Variants in TECPR2 observed in about 807,000 individuals in gnomAD.
TECPR2 encodes tectonin beta-propeller repeat-containing protein 2.
In TECPR2, 65 loss-of-function variants were observed where a neutral mutation model predicts 138.1. The observed-to-expected ratio is 0.47, with a 90% CI of 0.39 to 0.58. The LOEUF is 0.58. Among genes scored for constraint, TECPR2 ranks in the 20% least tolerant of loss-of-function variants. TECPR2 has a pLI of 0.00. For missense variants in TECPR2, 1,553 were observed against 1,824.5 expected, an observed-to-expected ratio of 0.85 and a Z score of 2.71; for synonymous variants, 746 against 749.8, an observed-to-expected ratio of 0.99 and a Z score of 0.08.
intron 17 of TECPR2, among the ~76,000 whole-genome samples, chr14:102,470,637 TTC>T (rs1303599161): frequency 2.7e-5 from 4 of 149,186 alleles, no homozygotes; most frequent in African/African-American, 7.4e-5. Flanking sequence ...CTTCTTCTTC[TTC>T]TTTTTTTTTT....
intron 4 of TECPR2, among the ~76,000 whole-genome samples, chr14:102,413,313 A>C (rs1181837588): frequency 6.6e-6 from 1 of 151,142 alleles, no homozygotes; most frequent in East Asian, 1.9e-4. Context: ...AATTGATGAA[A>C]CTTTTCATAT....
Position 102,465,232 on chromosome 14 carries a change from G to A in TECPR2, c.3732G>A (p.Gln1244=). 1 of 1,614,198 alleles carries A rather than the reference G, an allele frequency of 6.2e-7. No homozygotes were observed. The highest frequency in any genetic ancestry group is 8.5e-7 in the Non-Finnish European group (1 of 1,180,038). ...GAGTTTACTTCCGTGTAGGGACTCA[G>A]CCTCTCAATCCCAGTCTCATGCTTC... ...RGGVYFRVGT[Q]PLNPSLMLPA... is the part of the protein sequence containing the mutation. The change falls in exon 17 of 20, where the codon CAG becomes CAA. Residue 1244 remains glutamine (Q), a synonymous_variant. Coordinates refer to ENST00000359520, the MANE Select transcript of TECPR2 (RefSeq NM_014844.5).
chr14:102,458,282 C>G (rs1286991941), intron 16 of TECPR2, among the ~76,000 whole-genome samples: 1 of 152,206 alleles, frequency 6.6e-6, no homozygotes, highest in Non-Finnish European at 1.5e-5. Context: ...CTCTGCTTCC[C>G]TCCCACCACT....
Position 102,408,392 on chromosome 14 carries a change from C to G in TECPR2, c.349-96C>G. Reference sequence around the variant, plus strand: ...CGAGATTGGGAAAACCAGCTCTTCCCTAACTAGGAGTGATTGTATACCTTT... The same window carrying G: ...CGAGATTGGGAAAACCAGCTCTTCCGTAACTAGGAGTGATTGTATACCTTT... On this transcript the variant is annotated intron_variant, in intron 3 of 19. Transcript: ENST00000359520. 2 of 1,363,262 alleles carry G rather than the reference C, an allele frequency of 1.5e-6. 1 individual carries two copies. Among genetic ancestry groups the G allele is most frequent in the Admixed American group, 5.2e-5 (2 of 38,238 alleles). The allele number at this position is 1,363,262 out of a possible 1,614,324, so 84.4% of individuals were successfully genotyped here.
chr14:102,400,222 T>A (rs980381084), intron 2 of TECPR2, among the ~76,000 whole-genome samples: 1 of 152,064 alleles, frequency 6.6e-6, no homozygotes, highest in African/African-American at 2.4e-5. Flanking sequence ...ATTTTTGTAT[T>A]TTTAGTAGAG....
At position 102,376,752 on chromosome 14, in the gene TECPR2, A is replaced by G. The variant is rs1887647978; in HGVS notation, c.31A>G (p.Arg11Gly). 6.2e-7 allele frequency: 1 copy of G among 1,614,134 alleles called. No individual in the cohort carries two copies. The highest frequency in any genetic ancestry group is 8.5e-7 in the Non-Finnish European group (1 of 1,180,042). Residue 11 changes from arginine (R) to glycine (G), a missense_variant, in exon 2 of 20, where the codon AGA becomes GGA. Coordinates refer to ENST00000359520, the MANE Select transcript of TECPR2 (RefSeq NM_014844.5). ...ATCGATATCAGAGCCTGTTACATTCAGAGAGTTCTGCCCGTTGTACTATCT... is the reference window on the plus strand; with the variant it reads ...ATCGATATCAGAGCCTGTTACATTCGGAGAGTTCTGCCCGTTGTACTATCT... MASISEPVTF[R>G]EFCPLYYLLN...
chr14:102,425,133 G>T lies in TECPR2; in HGVS notation c.793G>T (p.Val265Phe), dbSNP rs1190983180. 2.5e-6 allele frequency: 4 copies of T among 1,614,048 alleles called. No individual in the cohort carries two copies. In the African/African-American group the frequency reaches 5.3e-5, roughly 22 times the overall value. ...FILKDAFAGG[V>F]KPFELHPRLE... ...CTTAAAAGATGCTTTTGCCGGGGGAGTCAAGCCTTTTGAACTGCACCCGCG... is the reference window on the plus strand; with the variant it reads ...CTTAAAAGATGCTTTTGCCGGGGGATTCAAGCCTTTTGAACTGCACCCGCG... The change falls in exon 6 of 20, where the codon GTC becomes TTC. Residue 265 changes from valine to phenylalanine, a missense_variant. Coordinates refer to ENST00000359520, the MANE Select transcript of TECPR2 (RefSeq NM_014844.5).
chr14:102,495,293 A>G (rs527456110), intron 17 of TECPR2, among the ~76,000 whole-genome samples: 9 of 152,298 alleles, frequency 5.9e-5, no homozygotes, highest in African/African-American at 1.4e-4. Context: ...TGTGCCTGTC[A>G]GTGTTTTGGC....
At chr14:102,496,909 C>G (rs1206263330) in intron 17 of TECPR2, 70 bp from the exon 18 acceptor site, 27 of 1,578,042 alleles carry the variant, frequency 1.7e-5, no homozygotes, top group South Asian at 2.4e-5. Context: ...GTCCCCAGTT[C>G]CGGAAGTCTC....
At chr14:102,435,803 C>G (rs1402047822) in intron 9 of TECPR2, among the ~76,000 whole-genome samples, 1 of 152,228 alleles carries the variant, frequency 6.6e-6, no homozygotes, top group Non-Finnish European at 1.5e-5. Flanking sequence ...TAGGAGATGA[C>G]TTTTAACTGT....
At chr14:102,379,630 C>T (rs1028031328) in intron 2 of TECPR2, among the ~76,000 whole-genome samples, 1 of 147,220 alleles carries the variant, frequency 6.8e-6, no homozygotes, top group Non-Finnish European at 1.5e-5. Flanking sequence ...CAGAGGCACC[C>T]TAGTCACACT....
chr14:102,476,973 G>A (rs997078911), intron 17 of TECPR2, among the ~76,000 whole-genome samples: 28 of 152,290 alleles, frequency 1.8e-4, no homozygotes, highest in African/African-American at 6.7e-4. Context: ...AGCCCAGGAG[G>A]CAGAGGCTGC....
chr14:102,430,393 C>G (rs149973376), intron 7 of TECPR2, among the ~76,000 whole-genome samples: 1 of 152,330 alleles, frequency 6.6e-6, no homozygotes, highest in Non-Finnish European at 1.5e-5. Context: ...TTCAGCAAGT[C>G]GCTTCACAGC....
chr14:102,497,188 C>A (rs901142425), intron 18 of TECPR2, 68 bp downstream of exon 18: 20 of 1,561,424 alleles, frequency 1.3e-5, no homozygotes, highest in Non-Finnish European at 1.6e-5. Flanking sequence ...GGCTGCTGGG[C>A]GCTCCCTCCA....
chr14:102,418,360 T>C (rs1889084747), intron 5 of TECPR2, among the ~76,000 whole-genome samples: 2 of 152,142 alleles, frequency 1.3e-5, no homozygotes, highest in African/African-American at 2.4e-5. Context: ...AGTGAACAGA[T>C]AAACATGTCA....
intron 16 of TECPR2, among the ~76,000 whole-genome samples, chr14:102,453,338 GGCGTGGCAGTGCAC>G (rs373751047): frequency 0.01 from 1,579 of 152,000 alleles, 30 homozygotes; most frequent in African/African-American, 0.036. Flanking sequence ...AAATTAGGTG[GGCGTGGCAGTGCAC>G]GCCTGTAGTC....
At chr14:102,484,287 C>A (rs1178718037) in intron 17 of TECPR2, among the ~76,000 whole-genome samples, 1 of 152,160 alleles carries the variant, frequency 6.6e-6, no homozygotes, top group African/African-American at 2.4e-5. Context: ...TGTTTGATGG[C>A]TGTAGAGTCA....
intron 2 of TECPR2, among the ~76,000 whole-genome samples, chr14:102,397,674 G>A (rs1240716626): frequency 1.3e-5 from 2 of 152,186 alleles, no homozygotes; most frequent in Non-Finnish European, 2.9e-5. Flanking sequence ...TTGAACCTGG[G>A]AGGCAGAGGT....
At chr14:102,453,994 C>CA (rs1890217050) in intron 16 of TECPR2, among the ~76,000 whole-genome samples, 1 of 151,908 alleles carries the variant, frequency 6.6e-6, no homozygotes, top group Non-Finnish European at 1.5e-5. Context: ...ACTAAAAATA[C>CA]AAAAATTACC....
Sources: gnomAD v4.1 joint callset for allele counts (sites outside exome capture counted in the v4.1 genomes callset) on GRCh38, gnomAD v4.1.1 for gene constraint, MANE v1.5 for transcripts, NCBI Gene and HGNC (gene_info 2026-07-23, HGNC 2026-07-21) for gene names.